Variants in FOCAD observed in about 807,000 individuals in gnomAD.
FOCAD encodes the protein focadhesin, also known as KIAA1797.
FOCAD carries 198 observed loss-of-function variants against 225.6 expected under a neutral mutation model. The observed-to-expected ratio is 0.88, with a 90% CI of 0.78 to 0.99. FOCAD has a LOEUF of 0.99. Among genes scored for constraint, FOCAD ranks in the 50% least tolerant of loss-of-function variants. FOCAD has a pLI of 0.00. For missense variants in FOCAD, 2,713 were observed against 2,123.6 expected, an observed-to-expected ratio of 1.28 and a Z score of -5.46; for synonymous variants, 897 against 755.0, an observed-to-expected ratio of 1.19 and a Z score of -3.08.
At chr9:20,908,104 C>T (rs1833136935) in intron 22 of FOCAD, among the ~76,000 whole-genome samples, 1 of 152,018 alleles carries the variant, frequency 6.6e-6, no homozygotes, top group African/African-American at 2.4e-5. Context: ...TAATTTTAAT[C>T]AGTTGGGGAA....
chr9:20,969,984 G>A (rs1015844022), intron 35 of FOCAD, among the ~76,000 whole-genome samples: 8 of 91,480 alleles, frequency 8.7e-5, no homozygotes, highest in African/African-American at 1.1e-4. Flanking sequence ...AGCATTTTTC[G>A]ATGACAGTTT....
intron 4 of FOCAD, among the ~76,000 whole-genome samples, chr9:20,725,269 C>A (rs78419314): frequency 0.037 from 5,637 of 152,254 alleles, 334 homozygotes; most frequent in African/African-American, 0.13. Flanking sequence ...TTCTACTTGT[C>A]TCTGCCTTCT....
chr9:20,885,251 C>A, intron 21 of FOCAD, 21 bp downstream of exon 21: 1 of 1,435,328 alleles, frequency 7.0e-7, no homozygotes, highest in East Asian at 2.6e-5. Context: ...GTGTCCTCTT[C>A]TTTATGTTTT....
chr9:20,778,811 A>G (rs752302813), intron 9 of FOCAD, 43 bp downstream of exon 9: 21 of 1,121,552 alleles, frequency 1.9e-5, no homozygotes, highest in South Asian at 1.5e-4. Flanking sequence ...TAAATATAAC[A>G]TGAGTATTGA....
intron 11 of FOCAD, among the ~76,000 whole-genome samples, chr9:20,819,053 T>C (rs1348131912): frequency 6.6e-6 from 1 of 152,142 alleles, no homozygotes; most frequent in Non-Finnish European, 1.5e-5. Context: ...AATGAGGACT[T>C]AGAGGGAAAT....
chr9:20,820,361 T>C lies in FOCAD; in HGVS notation c.1598T>C (p.Leu533Pro), dbSNP rs1161829357. ...CAAATTCTACGAATAATACAACTACTTGGAACCACACCACGACTAAGAGCT... is the reference window on the plus strand; with the variant it reads ...CAAATTCTACGAATAATACAACTACCTGGAACCACACCACGACTAAGAGCT... ...IGQILRIIQL[L>P]GTTPRLRAVT... is the part of the protein sequence containing the mutation. Residue 533 changes from leucine to proline, a missense_variant, in exon 13 of 44, where the codon CTT becomes CCT. Physicochemically the swap from Leu to Pro is moderately conservative, Grantham distance 98. Transcript: ENST00000338382. The C allele has an allele frequency of 6.2e-7, 1 of 1,612,856 alleles. No homozygotes were observed. The highest frequency in any genetic ancestry group is 1.1e-5 in the South Asian group (1 of 91,022).
intron 15 of FOCAD, 99 bp downstream of exon 15, chr9:20,823,214 T>G (rs1824516582): frequency 1.5e-6 from 2 of 1,291,238 alleles, no homozygotes; most frequent in Admixed American, 3.1e-5. Flanking sequence ...AACTGAAGTC[T>G]GAGTGTTCAT....
At chr9:20,657,915 A>G (rs949764635), upstream of FOCAD, among the ~76,000 whole-genome samples, 1 of 131,430 alleles carries the variant, frequency 7.6e-6, no homozygotes, top group Non-Finnish European at 1.6e-5. Flanking sequence ...GGTTTTATCT[A>G]CTTTTGGTCT....
At chr9:20,825,955 A>G (rs1211164706) in intron 15 of FOCAD, among the ~76,000 whole-genome samples, 5 of 152,124 alleles carry the variant, frequency 3.3e-5, no homozygotes, top group African/African-American at 1.2e-4. Flanking sequence ...AAAGGCAAGA[A>G]TTTAGTCTGG....
At chr9:20,858,069 TTGTC>T (rs1474091122) in intron 15 of FOCAD, among the ~76,000 whole-genome samples, 1 of 152,008 alleles carries the variant, frequency 6.6e-6, no homozygotes, top group South Asian at 2.1e-4. Context: ...TGTTATATCT[TTGTC>T]TGGTTTTGGT....
intron 35 of FOCAD, among the ~76,000 whole-genome samples, chr9:20,962,224 C>T (rs1326316359): frequency 3.9e-5 from 6 of 152,056 alleles, no homozygotes; most frequent in Admixed American, 3.9e-4. Context: ...ATATATGTGT[C>T]ATCATTTTCA....
intron 15 of FOCAD, among the ~76,000 whole-genome samples, chr9:20,828,340 T>C (rs532211837): frequency 6.6e-6 from 1 of 152,214 alleles, no homozygotes; most frequent in East Asian, 1.9e-4. Flanking sequence ...TAGAAATTGA[T>C]GGACATTGGG....
chr9:20,951,582 T>C (rs1364077581), intron 34 of FOCAD, among the ~76,000 whole-genome samples: 4 of 151,896 alleles, frequency 2.6e-5, no homozygotes, highest in Non-Finnish European at 5.9e-5. Flanking sequence ...ATGGCTGGAG[T>C]TTTTCTGGCC....
chr9:20,848,838 G>A (rs965987218), intron 15 of FOCAD, among the ~76,000 whole-genome samples: 1 of 151,750 alleles, frequency 6.6e-6, no homozygotes, highest in Non-Finnish European at 1.5e-5. Flanking sequence ...TGAATTTCCT[G>A]TTGTGGGATA....
At chr9:20,686,022 C>A (rs1198046755) in intron 1 of FOCAD, among the ~76,000 whole-genome samples, 1 of 152,160 alleles carries the variant, frequency 6.6e-6, no homozygotes, top group Non-Finnish European at 1.5e-5. Context: ...ATGAAACAGT[C>A]TGAGACATAA....
At chr9:20,784,662 T>TA (rs1329293287) in intron 10 of FOCAD, among the ~76,000 whole-genome samples, 1 of 152,216 alleles carries the variant, frequency 6.6e-6, no homozygotes, top group Non-Finnish European at 1.5e-5. Context: ...TATTCATTCT[T>TA]ATGTGTTTTT....
At chr9:20,768,321 T>G (rs1161667237) in intron 7 of FOCAD, among the ~76,000 whole-genome samples, 2 of 151,934 alleles carry the variant, frequency 1.3e-5, no homozygotes, top group Non-Finnish European at 2.9e-5. Context: ...TCTTTTTTGG[T>G]TCCATATGAA....
At chr9:20,798,622 A>G (rs552899434) in intron 11 of FOCAD, among the ~76,000 whole-genome samples, 126 of 151,950 alleles carry the variant, frequency 8.3e-4, no homozygotes, top group African/African-American at 2.7e-3. Context: ...TAGATTTTCT[A>G]GTTTATTTGC....
At chr9:20,865,204 GACAA>G (rs1829119288) in intron 16 of FOCAD, among the ~76,000 whole-genome samples, 1 of 152,074 alleles carries the variant, frequency 6.6e-6, no homozygotes, top group Non-Finnish European at 1.5e-5. Flanking sequence ...TAGAGAAAAT[GACAA>G]ACACTCTTAG....
Sources: allele counts gnomAD v4.1 joint callset (sites outside exome capture counted in the v4.1 genomes callset), GRCh38; gene constraint gnomAD v4.1.1; transcripts MANE v1.5; gene names NCBI Gene and HGNC (gene_info 2026-07-23, HGNC 2026-07-21).